The following ARHGAP6 variants were observed in gnomAD, a reference collection of about 807,000 sequenced individuals.
ARHGAP6 encodes rho GTPase-activating protein 6.
In ARHGAP6, 16 loss-of-function variants were observed where a neutral mutation model predicts 55.7. The observed-to-expected ratio is 0.29, with a 90% CI of 0.19 to 0.44. The LOEUF is 0.44. ARHGAP6 is among the 20% of genes least tolerant of loss of function. The pLI is 1.00. For synonymous variants in ARHGAP6, 382 were observed against 360.9 expected (o/e 1.06, Z -0.66); for missense variants, 698 against 808.9 (o/e 0.86, Z 1.66).
At chrX:11,323,103 C>T (rs1603074883) in intron 1 of ARHGAP6, among the ~76,000 whole-genome samples, 1 of 112,102 alleles carries the variant, frequency 8.9e-6, no homozygotes, top group East Asian at 2.8e-4. Flanking sequence ...GCTGGAAAAA[C>T]TTCTCCCTGG....
At chrX:11,165,014 T>G (rs1392581598) in intron 9 of ARHGAP6, among the ~76,000 whole-genome samples, 1 of 112,057 alleles carries the variant, frequency 8.9e-6, no homozygotes, top group Non-Finnish European at 1.9e-5. Context: ...ATCCTTGATT[T>G]CCAGTGCTCC....
intron 1 of ARHGAP6, among the ~76,000 whole-genome samples, chrX:11,353,273 C>G (rs920705889): frequency 8.9e-6 from 1 of 111,981 alleles, no homozygotes; most frequent in African/African-American, 3.2e-5. Flanking sequence ...AAAAAGGCAA[C>G]AAAGAATTTC....
intron 1 of ARHGAP6, among the ~76,000 whole-genome samples, chrX:11,400,292 T>C (rs894635763): frequency 1.8e-5 from 2 of 111,169 alleles, no homozygotes; most frequent in African/African-American, 6.5e-5. Flanking sequence ...TGGAGAAGTA[T>C]TAATAAAATT....
intron 1 of ARHGAP6, chrX:11,266,033 CTGTG>C (rs56408947): frequency 0.062 from 10,240 of 166,173 alleles, 604 homozygotes; most frequent in Admixed American, 0.073. Context: ...GCGTGTGTGC[CTGTG>C]TGTGTGTGTG....
intron 1 of ARHGAP6, among the ~76,000 whole-genome samples, chrX:11,343,247 T>C (rs2048728671): frequency 1.8e-5 from 2 of 112,337 alleles, no homozygotes; most frequent in Admixed American, 1.9e-4. Flanking sequence ...AATGTCTCAG[T>C]GAACTGGCAT....
chrX:11,494,826 G>T (rs1393430096), intron 1 of ARHGAP6, among the ~76,000 whole-genome samples: 1 of 111,631 alleles, frequency 9.0e-6, no homozygotes, highest in Non-Finnish European at 1.9e-5. Flanking sequence ...TAGATCAAAG[G>T]CTCATTCTAC....
chrX:11,573,992 C>G (rs896067462), intron 1 of ARHGAP6, among the ~76,000 whole-genome samples: 10 of 111,078 alleles, frequency 9.0e-5, no homozygotes, highest in Non-Finnish European at 1.7e-4. Context: ...CTGTTTCTTC[C>G]TCGACACATA....
chrX:11,302,865 A>G (rs1603046529), intron 1 of ARHGAP6, among the ~76,000 whole-genome samples: 2 of 111,625 alleles, frequency 1.8e-5, no homozygotes, highest in South Asian at 7.8e-4. Flanking sequence ...ATTTCCAAGC[A>G]ATGTCAAGTT....
chrX:11,351,020 C>T (rs1380365934), intron 1 of ARHGAP6, among the ~76,000 whole-genome samples: 1 of 107,348 alleles, frequency 9.3e-6, no homozygotes, highest in African/African-American at 3.4e-5. Context: ...GTAACAAACA[C>T]CCCCATCCTT....
intron 1 of ARHGAP6, among the ~76,000 whole-genome samples, chrX:11,658,762 G>C (rs748692838): frequency 9.4e-6 from 1 of 106,248 alleles, no homozygotes; most frequent in Non-Finnish European, 1.9e-5. Flanking sequence ...GAGAGAAAAT[G>C]GTACTGAAAA....
chrX:11,588,992 T>C (rs1198888169), intron 1 of ARHGAP6, among the ~76,000 whole-genome samples: 1 of 111,483 alleles, frequency 9.0e-6, no homozygotes, highest in Non-Finnish European at 1.9e-5. Context: ...TGTAATTCTA[T>C]TGTCAGTATC....
chrX:11,184,912 G>T (rs1328276410), intron 5 of ARHGAP6, among the ~76,000 whole-genome samples: 1 of 111,872 alleles, frequency 8.9e-6, no homozygotes. Flanking sequence ...ACCCTAGATG[G>T]TATAGCCTAC....
intron 1 of ARHGAP6, among the ~76,000 whole-genome samples, chrX:11,572,165 A>T (rs1043198411): frequency 1.8e-5 from 2 of 111,467 alleles, no homozygotes; most frequent in Admixed American, 1.9e-4. Context: ...ATAATGGGTA[A>T]TGAGGTTTCT....
intron 1 of ARHGAP6, among the ~76,000 whole-genome samples, chrX:11,656,767 C>T (rs1159912976): frequency 9.0e-6 from 1 of 111,713 alleles, no homozygotes; most frequent in Non-Finnish European, 1.9e-5. Context: ...AGACAATCCA[C>T]GATAATCTCG....
intron 1 of ARHGAP6, among the ~76,000 whole-genome samples, chrX:11,520,372 T>C (rs1684803813): frequency 9.7e-6 from 1 of 103,256 alleles, no homozygotes; most frequent in East Asian, 3.1e-4. Flanking sequence ...CCAAGTGTTC[T>C]CATTGTTCAA....
intron 1 of ARHGAP6, among the ~76,000 whole-genome samples, chrX:11,553,779 C>T (rs1027750078): frequency 5.4e-5 from 6 of 111,769 alleles, no homozygotes; most frequent in Non-Finnish European, 1.9e-5. Flanking sequence ...ATGTATTACA[C>T]AACTATTTCT....
At chrX:11,602,607 G>A (rs2051990037) in intron 1 of ARHGAP6, among the ~76,000 whole-genome samples, 1 of 112,800 alleles carries the variant, frequency 8.9e-6, no homozygotes, top group East Asian at 2.8e-4. Flanking sequence ...GCATGGGAGA[G>A]GGATTATTTT....
chrX:11,552,555 CATAT>C (rs59008705), intron 1 of ARHGAP6, among the ~76,000 whole-genome samples: 1,055 of 12,482 alleles, frequency 0.085, 32 homozygotes, highest in Non-Finnish European at 0.1. Context: ...GAAAATGTGC[CATAT>C]ATATATATAT....
chrX:11,156,112 G>T (rs2045859503), intron 10 of ARHGAP6, among the ~76,000 whole-genome samples: 1 of 112,475 alleles, frequency 8.9e-6, no homozygotes, highest in South Asian at 3.7e-4. Flanking sequence ...CTTGTGGTTT[G>T]ATAATGGGTT....
Sources: allele counts gnomAD v4.1 joint callset (sites outside exome capture counted in the v4.1 genomes callset), GRCh38; gene constraint gnomAD v4.1.1; transcripts MANE v1.5; gene names NCBI Gene and HGNC (gene_info 2026-07-23, HGNC 2026-07-21).